The following SDK2 variants were observed in gnomAD, a reference collection of about 807,000 sequenced individuals.
SDK2 encodes protein sidekick-2.
SDK2 carries 105 observed loss-of-function variants against 253.9 expected under a neutral mutation model. The observed-to-expected ratio is 0.41, with a 90% CI of 0.35 to 0.49. SDK2 has a LOEUF of 0.49. Among genes scored for constraint, SDK2 ranks in the 20% least tolerant of loss-of-function variants. The pLI is 0.06. For missense variants in SDK2, 2,608 were observed against 3,003.0 expected (o/e 0.87, Z 3.07); for synonymous variants, 1,249 against 1,234.9 (o/e 1.01, Z -0.24).
At chr17:73,369,011 CAAAAA>C in intron 36 of SDK2, 1 of 254,702 alleles carries the variant, frequency 3.9e-6, no homozygotes. Flanking sequence ...GACTCCATCT[CAAAAA>C]AAAAAAAAAA....
At chr17:73,525,819 C>T (rs34467072) in intron 1 of SDK2, among the ~76,000 whole-genome samples, 8,922 of 152,206 alleles carry the variant, frequency 0.059, 302 homozygotes, top group Middle Eastern at 0.12. Context: ...GCCCTCAGCT[C>T]TTAGCCATAA....
At position 73,361,614 on chromosome 17, in the gene SDK2, CG is replaced by C. The variant is rs2145421800; in HGVS notation, c.5467+69del. ...CAGGGTCCAGCACAGCTCTTGACAC[CG>C]GGGGCCCCTTCTGACTGGGGACGCT... On this transcript the variant is annotated intron_variant, in intron 39 of 44. Coordinates refer to ENST00000392650, the MANE Select transcript of SDK2 (RefSeq NM_001144952.2). The surrounding 1 kb of genome is among the most constrained non-coding windows in gnomAD (Gnocchi z 4.1). 9 of 1,520,600 alleles carry C rather than the reference CG, an allele frequency of 5.9e-6. No homozygotes were observed. Among genetic ancestry groups the C allele is most frequent in the South Asian group, 1.2e-5 (1 of 82,622 alleles). 94.2% of individuals were successfully genotyped at this position (1,520,600 alleles called of 1,614,324 possible).
intron 40 of SDK2, among the ~76,000 whole-genome samples, chr17:73,355,174 A>ATTTTTTTTTTTTTTTT (rs770032791): frequency 8.5e-5 from 4 of 47,240 alleles, no homozygotes; most frequent in Non-Finnish European, 1.3e-4. Context: ...ATATATATAT[A>ATTTTTTTTTTTTTTTT]TTTTTTTTTT....
At chr17:73,401,916 G>T in intron 19 of SDK2, 30 bp downstream of exon 19, 1 of 1,517,490 alleles carries the variant, frequency 6.6e-7, no homozygotes, top group Non-Finnish European at 9.0e-7. Flanking sequence ...GCGGGGGGGG[G>T]CAGAAAGAGC....
intron 28 of SDK2, among the ~76,000 whole-genome samples, chr17:73,391,175 G>A (rs1384880537): frequency 1.3e-5 from 2 of 152,216 alleles, no homozygotes; most frequent in East Asian, 1.9e-4. Flanking sequence ...CCAGATGGCC[G>A]GCAGGCTGGG....
chr17:73,594,292 T>TC (rs1716463027), intron 1 of SDK2, among the ~76,000 whole-genome samples: 2 of 152,028 alleles, frequency 1.3e-5, no homozygotes, highest in Admixed American at 1.3e-4. Context: ...GTGCTGGCCT[T>TC]CCCCCGGGCA....
At chr17:73,490,853 T>A (rs899681608) in intron 2 of SDK2, among the ~76,000 whole-genome samples, 3 of 151,980 alleles carry the variant, frequency 2.0e-5, no homozygotes, top group Non-Finnish European at 4.4e-5. Context: ...GCATTTCACA[T>A]GTGATAATGC....
intron 40 of SDK2, among the ~76,000 whole-genome samples, chr17:73,357,170 C>A (rs148107372): frequency 6.6e-6 from 1 of 152,188 alleles, no homozygotes; most frequent in Admixed American, 6.5e-5. Flanking sequence ...AAGGCAGGAG[C>A]GGTGGTAATG....
At chr17:73,623,305 C>T (rs550188343) in intron 1 of SDK2, among the ~76,000 whole-genome samples, 1 of 152,318 alleles carries the variant, frequency 6.6e-6, no homozygotes, top group African/African-American at 2.4e-5. Context: ...AACTGATGCT[C>T]GGAGAGGCTG....
chr17:73,638,050 C>G (rs370479341), intron 1 of SDK2, among the ~76,000 whole-genome samples: 8 of 152,206 alleles, frequency 5.3e-5, no homozygotes, highest in African/African-American at 1.9e-4. Flanking sequence ...TCTTGAGGTA[C>G]CTGGCTGCTC....
chr17:73,643,540 C>T lies in SDK2; in HGVS notation c.64+485G>A, dbSNP rs2046424761. Reference sequence around the variant, plus strand: ...GCAATTGCTCTCCCCGGGCGAGCAACCCGGCATCCAGCGCTCGCCCACCCC... The same window carrying T: ...GCAATTGCTCTCCCCGGGCGAGCAATCCGGCATCCAGCGCTCGCCCACCCC... On this transcript the variant is annotated intron_variant, in intron 1 of 44. Transcript: ENST00000392650. The surrounding 1 kb of genome is among the most constrained non-coding windows in gnomAD (Gnocchi z 6.9). Among the ~76,000 whole-genome samples, 1 of 152,104 alleles carries T rather than the reference C, an allele frequency of 6.6e-6. No homozygotes were observed. The highest frequency in any genetic ancestry group is 1.5e-5 in the Non-Finnish European group (1 of 67,988).
intron 1 of SDK2, among the ~76,000 whole-genome samples, chr17:73,593,684 C>G (rs2045715791): frequency 6.6e-6 from 1 of 152,194 alleles, no homozygotes; most frequent in Non-Finnish European, 1.5e-5. Flanking sequence ...TTCTGACATG[C>G]AGTAATCGGA....
chr17:73,431,559 A>C lies in SDK2; in HGVS notation c.1423T>G (p.Cys475Gly). The C allele has an allele frequency of 3.1e-6, 5 of 1,613,444 alleles. No homozygotes were observed. The highest frequency in any genetic ancestry group is 3.4e-6 in the Non-Finnish European group (4 of 1,179,698). The change falls in exon 11 of 45, where the codon TGC becomes GGC. Residue 475 changes from cysteine to glycine, a missense_variant. Transcript: ENST00000392650. The surrounding 1 kb of genome is among the most constrained non-coding windows in gnomAD (Gnocchi z 5.6). ...ACCCCCCGAGAGTTGGTGGCCAGGC[A>C]GGTGTAGGTCCCCGCATCGGAGATG... is the stretch of plus-strand genomic sequence containing the variant. The part of the protein sequence containing the change: ...THISDAGTYT[C>G]LATNSRGVDE...
At chr17:73,402,413 A>AC (rs2063036380) in intron 18 of SDK2, among the ~76,000 whole-genome samples, 1 of 152,196 alleles carries the variant, frequency 6.6e-6, no homozygotes, top group South Asian at 2.1e-4. Context: ...TCTCACAGAG[A>AC]CCCAGGAGGG....
intron 2 of SDK2, among the ~76,000 whole-genome samples, chr17:73,484,260 G>A (rs1173026092): frequency 6.6e-6 from 1 of 152,184 alleles, no homozygotes; most frequent in East Asian, 1.9e-4. Context: ...AGCTGATAAA[G>A]AGGCTGCATG....
intron 1 of SDK2, among the ~76,000 whole-genome samples, chr17:73,635,811 T>C (rs1281073884): frequency 6.6e-6 from 1 of 151,686 alleles, no homozygotes; most frequent in Non-Finnish European, 1.5e-5. Flanking sequence ...CAAATGACCT[T>C]AAGGGAACTC....
chr17:73,342,958 G>A (rs1054240145), intron 44 of SDK2, among the ~76,000 whole-genome samples: 4 of 152,168 alleles, frequency 2.6e-5, no homozygotes, highest in Admixed American at 6.5e-5. Flanking sequence ...CCCCTGGGAG[G>A]GATTAGAAGG....
In SDK2 at chr17:73,455,954, T is replaced by C; in HGVS notation, c.431A>G (p.Gln144Arg). 1 of 1,543,654 alleles carries C rather than the reference T, an allele frequency of 6.5e-7. No homozygotes were observed. Among genetic ancestry groups the C allele is most frequent in the Non-Finnish European group, 8.7e-7 (1 of 1,143,710 alleles). The change falls in exon 4 of 45, where the codon CAG (glutamine) becomes CGG (arginine). Residue 144 changes from glutamine (Q) to arginine (R), a missense_variant. Transcript: ENST00000392650. The surrounding 1 kb of genome is among the most constrained non-coding windows in gnomAD (Gnocchi z 5.0). ...GCGGCCGTCCCGGAACCAGGTCACC[T>C]GTGGCTGGGGGAAGCTGGCGATGCG... is the stretch of plus-strand genomic sequence containing the variant. ...APRIASFPQP[Q>R]VTWFRDGRKI... is the part of the protein sequence containing the mutation.
rs1241693104 is a variant in SDK2, at chr17:73,394,265, C to T, written c.3652G>A (p.Val1218Met). ...GCCTCGGGGACCTCGCTCCAGCGCA[C>T]CAGCATGCTGCTGGAGGTGGTGGCC... is the stretch of plus-strand genomic sequence containing the variant. Reference protein sequence around the residue: ...ALATTSSSMLVRWSEVPEADR... With the variant: ...ALATTSSSMLMRWSEVPEADR... Residue 1218 changes from valine to methionine, a missense_variant, in exon 26 of 45, where the codon GTG (valine) becomes ATG (methionine). This residue lies in a region of SDK2 where 1,505 missense variants were observed against 1,859.1 expected (regional missense o/e 0.81). Transcript: ENST00000392650. 3.1e-6 allele frequency: 5 copies of T among 1,603,152 alleles called. No individual in the cohort carries two copies. The highest frequency in any genetic ancestry group is 1.3e-5 in the African/African-American group (1 of 74,788).
Sources: allele counts gnomAD v4.1 joint callset (sites outside exome capture counted in the v4.1 genomes callset), GRCh38; gene constraint gnomAD v4.1.1; regional missense constraint gnomAD v4.1.1; non-coding constraint Gnocchi (gnomAD v3.1); transcripts MANE v1.5; gene names NCBI Gene and HGNC (gene_info 2026-07-23, HGNC 2026-07-21).